CTNNBL1: variants seen among roughly 807,000 people sequenced by gnomAD.
CTNNBL1 encodes the protein catenin beta like 1.
Under a neutral mutation model 72.7 loss-of-function variants are expected in CTNNBL1, and 31 were observed. The observed-to-expected ratio is 0.43, with a 90% confidence interval of 0.32 to 0.58. The LOEUF is 0.58. CTNNBL1 is among the 20% of genes least tolerant of loss of function. The pLI is 0.08. For missense variants in CTNNBL1, 534 were observed against 725.1 expected, an observed-to-expected ratio of 0.74 and a Z score of 3.03; for synonymous variants, 240 against 267.3, an observed-to-expected ratio of 0.90 and a Z score of 1.00.
At chr20:37,859,036 T>C (rs1224576251) in intron 13 of CTNNBL1, among the ~76,000 whole-genome samples, 1 of 152,134 alleles carries the variant, frequency 6.6e-6, no homozygotes, top group Non-Finnish European at 1.5e-5. Context: ...TACGATAACA[T>C]TGCATCCTGA....
chr20:37,811,129 A>G (rs779356015), intron 11 of CTNNBL1, among the ~76,000 whole-genome samples: 44 of 152,198 alleles, frequency 2.9e-4, no homozygotes, highest in Non-Finnish European at 5.6e-4. Flanking sequence ...TGAATCTACC[A>G]GTCCTAGAGG....
intron 5 of CTNNBL1, 70 bp downstream of exon 5, chr20:37,757,726 G>A (rs2073377745): frequency 7.0e-6 from 8 of 1,137,122 alleles, no homozygotes; most frequent in Non-Finnish European, 1.1e-5. Flanking sequence ...CCATCGTCTC[G>A]GAGAGTGGCC....
At chr20:37,841,615 G>A (rs1164972751) in intron 12 of CTNNBL1, among the ~76,000 whole-genome samples, 3 of 152,178 alleles carry the variant, frequency 2.0e-5, no homozygotes, top group Admixed American at 1.3e-4. Context: ...GCCAAGGGCT[G>A]TGGTGGTGCC....
chr20:37,797,586 T>C (rs765923533), intron 10 of CTNNBL1, among the ~76,000 whole-genome samples: 1 of 152,154 alleles, frequency 6.6e-6, no homozygotes, highest in Non-Finnish European at 1.5e-5. Flanking sequence ...GCTTCAGACA[T>C]AAAAGTTCAA....
intron 10 of CTNNBL1, 131 bp from the exon 11 acceptor site, chr20:37,802,736 C>T: frequency 1.4e-6 from 1 of 692,436 alleles, no homozygotes; most frequent in Admixed American, 2.7e-5. Context: ...GACGTCTTCT[C>T]CTAATTGTTA....
intron 1 of CTNNBL1, among the ~76,000 whole-genome samples, chr20:37,729,598 G>A (rs753628317): frequency 2.5e-4 from 38 of 151,928 alleles, no homozygotes; most frequent in South Asian, 6.2e-4. Context: ...TCTCCTTTCC[G>A]TGGAGAACTA....
At chr20:37,777,189 T>C (rs1246529920) in intron 7 of CTNNBL1, 156 bp from the exon 8 acceptor site, 9 of 602,162 alleles carry the variant, frequency 1.5e-5, no homozygotes, top group Non-Finnish European at 2.7e-5. Flanking sequence ...TTCTGGTCTC[T>C]TGAGAGCAGA....
At chr20:37,858,066 A>T (rs955169621) in intron 13 of CTNNBL1, among the ~76,000 whole-genome samples, 1 of 152,230 alleles carries the variant, frequency 6.6e-6, no homozygotes, top group East Asian at 1.9e-4. Context: ...GTGTGGTGGC[A>T]TGCACCTGTA....
intron 4 of CTNNBL1, among the ~76,000 whole-genome samples, chr20:37,752,381 A>G (rs1258037983): frequency 6.6e-6 from 1 of 152,212 alleles, no homozygotes; most frequent in African/African-American, 2.4e-5. Flanking sequence ...ATCTGCATTA[A>G]TTGAGCTATA....
At chr20:37,731,176 T>C (rs1239518550) in intron 1 of CTNNBL1, among the ~76,000 whole-genome samples, 1 of 152,188 alleles carries the variant, frequency 6.6e-6, no homozygotes, top group Non-Finnish European at 1.5e-5. Flanking sequence ...TTCATTATTA[T>C]TTATTATATT....
intron 10 of CTNNBL1, among the ~76,000 whole-genome samples, chr20:37,800,977 G>T (rs2073819452): frequency 6.6e-6 from 1 of 152,152 alleles, no homozygotes; most frequent in Non-Finnish European, 1.5e-5. Context: ...TACTCCTTAG[G>T]AGGCTTTCCT....
chr20:37,780,431 C>G (rs138682711), intron 10 of CTNNBL1, among the ~76,000 whole-genome samples: 75 of 152,072 alleles, frequency 4.9e-4, no homozygotes, highest in African/African-American at 1.7e-3. Flanking sequence ...CTAAACACAG[C>G]CTGTCTTTGG....
At chr20:37,757,284 C>T (rs906013621) in intron 4 of CTNNBL1, among the ~76,000 whole-genome samples, 5 of 152,284 alleles carry the variant, frequency 3.3e-5, no homozygotes, top group Middle Eastern at 6.8e-3. Context: ...ACTTCCCAGG[C>T]GATCTATTTA....
intron 1 of CTNNBL1, among the ~76,000 whole-genome samples, chr20:37,708,182 A>T (rs1023371553): frequency 3.9e-5 from 6 of 152,048 alleles, no homozygotes; most frequent in African/African-American, 1.4e-4. Flanking sequence ...TGGCAGCGAT[A>T]GACTTTCTTT....
chr20:37,730,218 A>T (rs1002469601), intron 1 of CTNNBL1, among the ~76,000 whole-genome samples: 2 of 152,260 alleles, frequency 1.3e-5, no homozygotes, highest in African/African-American at 4.8e-5. Flanking sequence ...CAAACAACTT[A>T]GCAGGCTGGC....
chr20:37,841,582 C>T (rs1431225358), intron 12 of CTNNBL1, among the ~76,000 whole-genome samples: 1 of 152,166 alleles, frequency 6.6e-6, no homozygotes, highest in Non-Finnish European at 1.5e-5. Flanking sequence ...GTATCAGCAC[C>T]TGGGTAAATG....
chr20:37,785,418 T>C (rs1386820847), intron 10 of CTNNBL1, among the ~76,000 whole-genome samples: 2 of 152,374 alleles, frequency 1.3e-5, no homozygotes, highest in Admixed American at 1.3e-4. Flanking sequence ...TTTGAGGCTA[T>C]TGTCTAGATC....
At chr20:37,775,494 A>G (rs238299) in intron 7 of CTNNBL1, among the ~76,000 whole-genome samples, 151,637 of 152,374 alleles carry the variant, frequency 1, 75,454 homozygotes, top group East Asian at 1. Flanking sequence ...ATTAAATATG[A>G]CACCCCAGTT....
intron 1 of CTNNBL1, among the ~76,000 whole-genome samples, chr20:37,718,165 G>C (rs1175222183): frequency 0.016 from 2,411 of 147,466 alleles, 44 homozygotes; most frequent in African/African-American, 0.053. Flanking sequence ...AGGGGCTCCT[G>C]ACTTCCCAGT....
Sources: allele counts gnomAD v4.1 joint callset (sites outside exome capture counted in the v4.1 genomes callset), GRCh38; gene constraint gnomAD v4.1.1; transcripts MANE v1.5; gene names NCBI Gene and HGNC (gene_info 2026-07-23, HGNC 2026-07-21).